Variants in MAP2K4 observed in about 807,000 individuals in gnomAD.
MAP2K4 encodes mitogen-activated protein kinase kinase 4.
MAP2K4 carries 4 observed loss-of-function variants against 48.5 expected under a neutral mutation model. The observed-to-expected ratio is 0.08, with a 90% CI of 0.04 to 0.19. The LOEUF (loss-of-function observed/expected upper bound fraction) is 0.19. Among genes scored for constraint, MAP2K4 ranks in the 10% least tolerant of loss-of-function variants. The pLI, the probability that MAP2K4 is intolerant of heterozygous loss-of-function variation, is 1.00. For missense variants in MAP2K4, 258 were observed against 493.3 expected, an observed-to-expected ratio of 0.52 and a Z score of 4.52; for synonymous variants, 166 against 173.1, an observed-to-expected ratio of 0.96 and a Z score of 0.32.
chr17:12,077,924 T>C (rs1971067485), intron 2 of MAP2K4, among the ~76,000 whole-genome samples: 1 of 152,204 alleles, frequency 6.6e-6, no homozygotes, highest in Admixed American at 6.5e-5. Context: ...CTTGTGCATA[T>C]GAGAAGAGAG....
intron 1 of MAP2K4, among the ~76,000 whole-genome samples, chr17:12,033,323 C>T (rs989137182): frequency 1.3e-5 from 2 of 148,774 alleles, no homozygotes; most frequent in Non-Finnish European, 3.0e-5. Flanking sequence ...TTCTTAAGTA[C>T]ATTGATTCAA....
At chr17:12,024,242 C>G (rs948665027) in intron 1 of MAP2K4, among the ~76,000 whole-genome samples, 5 of 152,140 alleles carry the variant, frequency 3.3e-5, no homozygotes. Flanking sequence ...TTGCTCTACT[C>G]ATTTTTTTCA....
chr17:12,111,323 T>C (rs779286904), intron 6 of MAP2K4, among the ~76,000 whole-genome samples: 7 of 152,214 alleles, frequency 4.6e-5, no homozygotes, highest in Non-Finnish European at 8.8e-5. Flanking sequence ...CCACTGAAAT[T>C]AGTGAACCTT....
At position 12,142,984 on chromosome 17, in the gene MAP2K4, G is replaced by T. The variant is rs1221134145; in HGVS notation, c.*1724G>T. The T allele has an allele frequency of 1.3e-5, 3 of 232,814 alleles. No individual in the cohort carries two copies. Among genetic ancestry groups the T allele is most frequent in the Non-Finnish European group, 1.7e-5 (2 of 117,810 alleles). The allele number at this position is 232,814 out of a possible 1,614,324, so 14.4% of individuals were successfully genotyped here. A position where few individuals can be genotyped will look rare whatever the true frequency, so the allele number is the denominator to read the frequency against. On this transcript the variant is annotated 3_prime_UTR_variant, in exon 11 of 11. Transcript: ENST00000353533. ...CATAAATACTGTCAAACAATAAAGG[G>T]AGAATGGTGCTGTTTAAAGTCACAT...
At chr17:12,134,380 T>C (rs1273884675) in intron 9 of MAP2K4, among the ~76,000 whole-genome samples, 1 of 152,202 alleles carries the variant, frequency 6.6e-6, no homozygotes, top group Non-Finnish European at 1.5e-5. Context: ...ATAATTTGAA[T>C]TCCAGAAACG....
chr17:12,062,580 C>T (rs963708796), intron 2 of MAP2K4, among the ~76,000 whole-genome samples: 3 of 152,142 alleles, frequency 2.0e-5, no homozygotes, highest in Admixed American at 6.5e-5. Context: ...CTTCCTGCCT[C>T]GGCCTCCCAG....
chr17:12,036,571 ATGT>A (rs1354933354), intron 1 of MAP2K4: 2 of 152,192 alleles, frequency 1.3e-5, no homozygotes, highest in African/African-American at 4.8e-5. Context: ...AAACCTCCTG[ATGT>A]TGATTCCTCA....
rs1973397373 is a variant in MAP2K4, at chr17:12,142,291, G to A, written c.*1031G>A. The A allele has an allele frequency of 4.3e-6, 1 of 233,404 alleles. No individual in the cohort carries two copies. The highest frequency in any genetic ancestry group is 8.5e-6 in the Non-Finnish European group (1 of 117,960). 14.5% of individuals were successfully genotyped at this position (233,404 alleles called of 1,614,324 possible). ...TTGATTGATTAGATAAAGATTTCTAGTAGGCAGCAAAAGACCAAATCTCAG... is the reference window on the plus strand; with the variant it reads ...TTGATTGATTAGATAAAGATTTCTAATAGGCAGCAAAAGACCAAATCTCAG... On this transcript the variant is annotated 3_prime_UTR_variant, in exon 11 of 11. Transcript: ENST00000353533.
intron 3 of MAP2K4, among the ~76,000 whole-genome samples, chr17:12,083,982 A>G (rs1440114312): frequency 6.6e-6 from 1 of 152,256 alleles, no homozygotes. Context: ...CACTTTGAGA[A>G]TAAAGAAGGA....
intron 1 of MAP2K4, among the ~76,000 whole-genome samples, chr17:12,044,198 C>T (rs1336220810): frequency 6.6e-6 from 1 of 152,112 alleles, no homozygotes; most frequent in Non-Finnish European, 1.5e-5. Flanking sequence ...AGCAAAATTA[C>T]CTTGCACACA....
intron 1 of MAP2K4, among the ~76,000 whole-genome samples, chr17:12,042,890 A>G (rs1969836854): frequency 6.6e-6 from 1 of 152,086 alleles, no homozygotes. Context: ...TACTAAAAAT[A>G]CAAAAAATTA....
chr17:12,069,951 A>G (rs1475642220), intron 2 of MAP2K4: 5 of 98,756 alleles, frequency 5.1e-5, no homozygotes, highest in Non-Finnish European at 7.0e-5. Flanking sequence ...ATATATATAT[A>G]TGCATGCTGA....
intron 9 of MAP2K4, among the ~76,000 whole-genome samples, chr17:12,136,564 G>A (rs999549444): frequency 6.6e-6 from 1 of 152,150 alleles, no homozygotes; most frequent in Non-Finnish European, 1.5e-5. Flanking sequence ...CTAAGGAAAT[G>A]CATTTTTTAT....
chr17:12,078,009 T>C (rs560024083), intron 2 of MAP2K4, among the ~76,000 whole-genome samples: 1 of 152,322 alleles, frequency 6.6e-6, no homozygotes, highest in South Asian at 2.1e-4. Flanking sequence ...TTAACCTTCA[T>C]TGAACCTTCA....
At chr17:12,023,936 T>A (rs1382217817) in intron 1 of MAP2K4, among the ~76,000 whole-genome samples, 1 of 152,224 alleles carries the variant, frequency 6.6e-6, no homozygotes, top group Non-Finnish European at 1.5e-5. Flanking sequence ...ACATTAGCCA[T>A]CATTGTTAGT....
At chr17:12,057,269 G>A (rs1970308089) in intron 2 of MAP2K4, among the ~76,000 whole-genome samples, 1 of 152,188 alleles carries the variant, frequency 6.6e-6, no homozygotes, top group Admixed American at 6.5e-5. Context: ...TTGATTAAAT[G>A]CTTCCCAGAA....
chr17:12,056,692 G>T (rs1184280525), intron 2 of MAP2K4, among the ~76,000 whole-genome samples: 3 of 151,966 alleles, frequency 2.0e-5, no homozygotes, highest in African/African-American at 7.2e-5. Context: ...ATTGTTACTG[G>T]TCAGAGATAA....
At chr17:12,038,453 C>T (rs565849651) in intron 1 of MAP2K4, among the ~76,000 whole-genome samples, 17 of 152,184 alleles carry the variant, frequency 1.1e-4, no homozygotes, top group Admixed American at 1.1e-3. Flanking sequence ...TTTAGAGAAG[C>T]TCTTACAAGG....
chr17:12,143,225 G>A lies in MAP2K4; in HGVS notation c.*1965G>A, dbSNP rs1276530509. 2 of 232,730 alleles carry A rather than the reference G, an allele frequency of 8.6e-6. No individual in the cohort carries two copies. Among genetic ancestry groups the A allele is most frequent in the Non-Finnish European group, 1.7e-5 (2 of 117,592 alleles). The allele number at this position is 232,730 out of a possible 1,614,324, so 14.4% of individuals were successfully genotyped here. ...TTCTCTGCTGTCAACTTCCCATCTG[G>A]CTCAGCATAGGGTCACTTTGCCATT... On this transcript the variant is annotated 3_prime_UTR_variant, in exon 11 of 11. Coordinates refer to ENST00000353533, the MANE Select transcript of MAP2K4 (RefSeq NM_003010.4).
Sources: gnomAD v4.1 joint callset for allele counts (sites outside exome capture counted in the v4.1 genomes callset) on GRCh38, gnomAD v4.1.1 for gene constraint, MANE v1.5 for transcripts, NCBI Gene and HGNC (gene_info 2026-07-23, HGNC 2026-07-21) for gene names.